The following SLC9A4 variants were observed in gnomAD, a reference collection of about 807,000 sequenced individuals.
SLC9A4 encodes solute carrier family 9 member A4.
Under a neutral mutation model 67.4 loss-of-function variants are expected in SLC9A4, and 63 were observed. The ratio of observed to expected loss-of-function variants is 0.93; its 90% CI spans 0.76 to 1.15. The LOEUF is 1.15. Ranked by LOEUF, SLC9A4 falls within the 50% of genes most tolerant of loss-of-function variation. The probability of loss-of-function intolerance (pLI) is 0.00; values close to 1 mark genes in which losing one functional copy is unlikely to be tolerated. For synonymous variants in SLC9A4, 393 were observed against 367.2 expected (o/e 1.07, Z -0.80); for missense variants, 1,089 against 987.7 (o/e 1.10, Z -1.38).
At chr2:102,526,858 TTTA>T (rs1674677151) in intron 11 of SLC9A4, among the ~76,000 whole-genome samples, 1 of 152,218 alleles carries the variant, frequency 6.6e-6, no homozygotes, top group Non-Finnish European at 1.5e-5. Context: ...TTATTGAAAC[TTTA>T]TTATTCTAAT....
At chr2:102,496,213 G>A (rs572064611) in intron 2 of SLC9A4, among the ~76,000 whole-genome samples, 1 of 152,212 alleles carries the variant, frequency 6.6e-6, no homozygotes, top group Admixed American at 6.5e-5. Flanking sequence ...ATAAGAAAAA[G>A]ATTTGAACAG....
chr2:102,494,870 A>G (rs1245792944), intron 2 of SLC9A4, among the ~76,000 whole-genome samples: 1 of 152,150 alleles, frequency 6.6e-6, no homozygotes, highest in Admixed American at 6.5e-5. Context: ...GCAGAAAATG[A>G]CAATTCTATA....
chr2:102,489,738 C>A (rs925150640), intron 2 of SLC9A4, among the ~76,000 whole-genome samples: 1 of 152,204 alleles, frequency 6.6e-6, no homozygotes, highest in Non-Finnish European at 1.5e-5. Flanking sequence ...TGTTTAACTT[C>A]CCTATCCTGG....
Position 102,473,685 on chromosome 2 carries a change from T to C in SLC9A4, c.-75T>C. 1 of 1,558,692 alleles carries C rather than the reference T, an allele frequency of 6.4e-7. No homozygotes were observed. The highest frequency in any genetic ancestry group is 8.7e-7 in the Non-Finnish European group (1 of 1,155,514). The stretch of plus-strand genomic sequence containing the variant: ...TTTTGACCCAGGTGGATGCAGTCAC[T>C]CTCTAGAAGCCTCCCCGACTTCAGA... On this transcript the variant is annotated 5_prime_UTR_variant, in exon 1 of 12. Transcript: ENST00000295269.
At chr2:102,482,558 C>A (rs1684488180) in intron 2 of SLC9A4, among the ~76,000 whole-genome samples, 1 of 152,032 alleles carries the variant, frequency 6.6e-6, no homozygotes, top group Admixed American at 6.6e-5. Flanking sequence ...GGAATCCATT[C>A]CATCTCTTAA....
chr2:102,532,712 T>A lies in SLC9A4; in HGVS notation c.*24T>A. On this transcript the variant is annotated 3_prime_UTR_variant, in exon 12 of 12. Transcript: ENST00000295269. Reference sequence around the variant, plus strand: ...AGTGTTATTGTCCACAAGATTGTTTTGGTGTTTCTCAAGAGTCTGTCTTCC... The same window carrying A: ...AGTGTTATTGTCCACAAGATTGTTTAGGTGTTTCTCAAGAGTCTGTCTTCC... 6.3e-7 allele frequency: 1 copy of A among 1,593,820 alleles called. No homozygotes were observed. The highest frequency in any genetic ancestry group is 8.6e-7 in the Non-Finnish European group (1 of 1,168,236).
chr2:102,503,801 TGACGCTAACC>T, intron 3 of SLC9A4, 94 bp downstream of exon 3: 1 of 1,480,622 alleles, frequency 6.8e-7, no homozygotes, highest in Non-Finnish European at 9.1e-7. Context: ...ACATAACCAA[TGACGCTAACC>T]CTCCAACATG....
At chr2:102,513,255 C>G (rs950067357) in intron 7 of SLC9A4, among the ~76,000 whole-genome samples, 2 of 152,166 alleles carry the variant, frequency 1.3e-5, no homozygotes, top group African/African-American at 4.8e-5. Flanking sequence ...CTCAGGAAGC[C>G]AGCCCCTAAC....
chr2:102,529,105 A>G (rs1479279648), intron 11 of SLC9A4, among the ~76,000 whole-genome samples: 1 of 152,236 alleles, frequency 6.6e-6, no homozygotes, highest in African/African-American at 2.4e-5. Flanking sequence ...TACTATTACT[A>G]CTTAGGGACT....
At chr2:102,529,883 T>C (rs1429362296) in intron 11 of SLC9A4, among the ~76,000 whole-genome samples, 1 of 152,156 alleles carries the variant, frequency 6.6e-6, no homozygotes. Flanking sequence ...CTCTTTTGCC[T>C]TTAGGGCTCA....
chr2:102,501,572 T>A (rs2104430958), intron 2 of SLC9A4, among the ~76,000 whole-genome samples: 1 of 151,626 alleles, frequency 6.6e-6, no homozygotes, highest in South Asian at 2.1e-4. Flanking sequence ...ATAATGGAGG[T>A]GATGTTATAG....
chr2:102,502,082 G>GT (rs1684953521), intron 2 of SLC9A4, among the ~76,000 whole-genome samples: 1 of 152,076 alleles, frequency 6.6e-6, no homozygotes, highest in Admixed American at 6.5e-5. Context: ...ATTTTTCCTG[G>GT]TGTAGATAGA....
At chr2:102,483,428 C>T (rs6741464) in intron 2 of SLC9A4, among the ~76,000 whole-genome samples, 16,346 of 152,178 alleles carry the variant, frequency 0.11, 1,151 homozygotes, top group African/African-American at 0.2. Context: ...ACAAGCATGC[C>T]TTTTCGGCAA....
intron 4 of SLC9A4, among the ~76,000 whole-genome samples, chr2:102,506,619 C>T (rs979738447): frequency 2.6e-5 from 4 of 152,152 alleles, no homozygotes; most frequent in African/African-American, 9.7e-5. Flanking sequence ...TACTCAAAAT[C>T]GTCTCCCTCA....
At chr2:102,525,826 A>C (rs933782631) in intron 10 of SLC9A4, among the ~76,000 whole-genome samples, 1 of 152,138 alleles carries the variant, frequency 6.6e-6, no homozygotes, top group African/African-American at 2.4e-5. Flanking sequence ...AAACAAAAAA[A>C]CTAAAAGCCA....
chr2:102,513,984 T>C, intron 7 of SLC9A4, 106 bp from the exon 8 acceptor site: 1 of 1,436,940 alleles, frequency 7.0e-7, no homozygotes, highest in South Asian at 1.5e-5. Context: ...CTGATGTTTC[T>C]TCAGAATAAA....
At chr2:102,513,079 A>C (rs1197417313) in intron 7 of SLC9A4, among the ~76,000 whole-genome samples, 1 of 152,192 alleles carries the variant, frequency 6.6e-6, no homozygotes, top group Admixed American at 6.5e-5. Flanking sequence ...AGGCGAGCTC[A>C]GTGAGAAGAA....
Position 102,474,875 on chromosome 2 carries a change from C to A in SLC9A4, c.256+860C>A, listed in dbSNP as rs146388791. On this transcript the variant is annotated intron_variant, in intron 1 of 11. Transcript: ENST00000295269. ...GTAGATTGCCTTATTGAGATAGAATCAATGAAACATTTTAATTCTCATTTA... is the reference window on the plus strand; with the variant it reads ...GTAGATTGCCTTATTGAGATAGAATAAATGAAACATTTTAATTCTCATTTA... Among the ~76,000 whole-genome samples, 309 of 152,294 alleles carry A rather than the reference C, an allele frequency of 2.0e-3. 2 individuals are homozygous for A. Among genetic ancestry groups the A allele is most frequent in the African/African-American group, 7.1e-3 (296 of 41,562 alleles).
chr2:102,523,131 G>C (rs1674570016), intron 9 of SLC9A4, among the ~76,000 whole-genome samples: 1 of 63,014 alleles, frequency 1.6e-5, no homozygotes, highest in African/African-American at 6.6e-5. Flanking sequence ...ACCACACCCA[G>C]CATTTTTTTT....
Sources: allele counts gnomAD v4.1 joint callset (sites outside exome capture counted in the v4.1 genomes callset), GRCh38; gene constraint gnomAD v4.1.1; transcripts MANE v1.5; gene names NCBI Gene and HGNC (gene_info 2026-07-23, HGNC 2026-07-21).